The following DCHS2 variants were observed in gnomAD, a reference collection of about 807,000 sequenced individuals.
The protein encoded by DCHS2 is protocadherin-23.
In DCHS2, 142 loss-of-function variants were observed where a neutral mutation model predicts 182.4. The ratio of observed to expected loss-of-function variants is 0.78; its 90% CI spans 0.68 to 0.89. The LOEUF is 0.89. Ranked by LOEUF, DCHS2 falls within the 40% of genes least tolerant of loss-of-function variation. The pLI is 0.00. For missense variants in DCHS2, 4,319 were observed against 4,198.6 expected (o/e 1.03, Z -0.79); for synonymous variants, 1,740 against 1,663.3 (o/e 1.05, Z -1.12).
intron 3 of DCHS2, among the ~76,000 whole-genome samples, chr4:154,362,208 G>T (rs991101227): frequency 5.9e-5 from 9 of 152,172 alleles, no homozygotes; most frequent in Admixed American, 1.3e-4. Flanking sequence ...CAGAGACAAA[G>T]GGAGGTAACA....
intron 1 of DCHS2, among the ~76,000 whole-genome samples, chr4:154,447,063 G>A (rs1001849827): frequency 2.0e-5 from 3 of 152,028 alleles, no homozygotes; most frequent in East Asian, 1.9e-4. Context: ...AGGCCGAGGC[G>A]GGCAGATTAC....
In DCHS2 at chr4:154,328,099, A is replaced by G. The variant is rs1168511820; in HGVS notation, c.4012T>C (p.Ser1338Pro). The change falls in exon 7 of 20, where the codon TCT becomes CCT. Residue 1338 changes from serine (S) to proline (P), a missense_variant. By Grantham distance (74) the Ser-to-Pro change is moderately conservative. Coordinates refer to ENST00000357232, the MANE Select transcript of DCHS2 (RefSeq NM_001358235.2). Reference sequence around the variant, plus strand: ...TATGAACAGTAAGTTTTACCTGAAGATACTGAGTATGTAACTTCTGCATTA... The same window carrying G: ...TATGAACAGTAAGTTTTACCTGAAGGTACTGAGTATGTAACTTCTGCATTA... The part of the protein sequence containing the change: ...GNNAEVTYSV[S>P]SEDSSDHFKI... 1.9e-6 allele frequency: 3 copies of G among 1,598,414 alleles called. No homozygotes were observed. The highest frequency in any genetic ancestry group is 2.6e-6 in the Non-Finnish European group (3 of 1,172,222).
Position 154,297,924 on chromosome 4 carries a change from C to T in DCHS2, c.6390G>A (p.Met2130Ile). 1 of 1,614,098 alleles carries T rather than the reference C, an allele frequency of 6.2e-7. No individual in the cohort carries two copies. Among genetic ancestry groups the T allele is most frequent in the South Asian group, 1.1e-5 (1 of 91,078 alleles). Residue 2130 changes from methionine (M) to isoleucine (I), a missense_variant, in exon 13 of 20, where the codon ATG becomes ATA. Coordinates refer to ENST00000357232, the MANE Select transcript of DCHS2 (RefSeq NM_001358235.2). ...AGGAAATCTTTACATCTTCTCCTTC[C>T]ATGTGAATGACCAAGAGACCCGTGG... is the stretch of plus-strand genomic sequence containing the variant. ...RTTTGLLVIH[M>I]EGEDVKISFS...
At chr4:154,409,352 G>A (rs1451927093) in intron 1 of DCHS2, among the ~76,000 whole-genome samples, 1 of 152,296 alleles carries the variant, frequency 6.6e-6, no homozygotes, top group East Asian at 1.9e-4. Context: ...TCACCATTAT[G>A]CAGTGTCTTA....
At chr4:154,484,582 T>A (rs1026235890) in intron 1 of DCHS2, among the ~76,000 whole-genome samples, 1 of 152,230 alleles carries the variant, frequency 6.6e-6, no homozygotes, top group Non-Finnish European at 1.5e-5. Context: ...ATTTACCTGA[T>A]CTACTTTCAC....
chr4:154,258,325 T>A (rs930074729), intron 15 of DCHS2, among the ~76,000 whole-genome samples: 8 of 150,092 alleles, frequency 5.3e-5, no homozygotes, highest in Non-Finnish European at 1.2e-4. Flanking sequence ...ACCAACAGCA[T>A]GGATATGTGC....
At chr4:154,261,735 A>G (rs1560993197) in intron 14 of DCHS2, 1 of 152,224 alleles carries the variant, frequency 6.6e-6, no homozygotes. Flanking sequence ...TTAAAATTTC[A>G]TAAACTCAGT....
intron 1 of DCHS2, among the ~76,000 whole-genome samples, chr4:154,444,375 C>A (rs1734172634): frequency 6.6e-6 from 1 of 152,158 alleles, no homozygotes; most frequent in African/African-American, 2.4e-5. Flanking sequence ...AAACCTCTTC[C>A]CCCAGGTGCC....
At chr4:154,268,598 T>C (rs1177192088) in intron 14 of DCHS2, among the ~76,000 whole-genome samples, 1 of 152,190 alleles carries the variant, frequency 6.6e-6, no homozygotes, top group East Asian at 1.9e-4. Context: ...TAACTAAGCC[T>C]GGAGAAAAAG....
chr4:154,454,957 T>A (rs116154519), intron 1 of DCHS2, among the ~76,000 whole-genome samples: 36 of 152,340 alleles, frequency 2.4e-4, no homozygotes, highest in African/African-American at 8.7e-4. Context: ...CTATTCCTTG[T>A]CAAAATGTGT....
chr4:154,334,769 G>T, intron 4 of DCHS2, 99 bp downstream of exon 4: 1 of 962,064 alleles, frequency 1.0e-6, no homozygotes. Context: ...TGACTTGCGT[G>T]GAAAGAAGAA....
chr4:154,342,011 A>G lies in DCHS2; in HGVS notation c.2477-6907T>C, dbSNP rs1729134353. Reference sequence around the variant, plus strand: ...GTAAATTCACTTGTCTTTGAACTTGAAGGGCTCTAGAGGTACTGTGGGCTT... The same window carrying G: ...GTAAATTCACTTGTCTTTGAACTTGGAGGGCTCTAGAGGTACTGTGGGCTT... On this transcript the variant is annotated intron_variant, in intron 3 of 19. Transcript: ENST00000357232. Among the ~76,000 whole-genome samples the G allele has an allele frequency of 2.0e-5, 3 of 152,160 alleles. No individual in the cohort carries two copies. The South Asian group carries it at 6.2e-4, about 32-fold the overall frequency.
chr4:154,450,469 G>C (rs1486790289), intron 1 of DCHS2, among the ~76,000 whole-genome samples: 2 of 152,134 alleles, frequency 1.3e-5, no homozygotes, highest in Non-Finnish European at 2.9e-5. Context: ...AATGTTCCTG[G>C]TTCAAGCAAC....
At chr4:154,413,019 G>A (rs1253446980) in intron 1 of DCHS2, among the ~76,000 whole-genome samples, 1 of 152,166 alleles carries the variant, frequency 6.6e-6, no homozygotes, top group African/African-American at 2.4e-5. Context: ...AAGCTACCCA[G>A]CATTGACAGA....
intron 1 of DCHS2, among the ~76,000 whole-genome samples, chr4:154,460,894 C>T (rs1452247055): frequency 6.6e-6 from 1 of 152,124 alleles, no homozygotes; most frequent in Non-Finnish European, 1.5e-5. Context: ...ATCTACAGAA[C>T]ATGTAAAAAC....
intron 14 of DCHS2, chr4:154,262,311 C>T (rs572814858): frequency 2.0e-4 from 30 of 152,188 alleles, no homozygotes; most frequent in African/African-American, 7.0e-4. Context: ...AAGACAATAA[C>T]CAGTCTGTGG....
chr4:154,491,439 GTC>G lies in DCHS2; in HGVS notation c.-86_-85del. ...AGAAAAATCCAGGAGCCTCTTCAGT[GTC>G]TGAGCCAGAGAAGAAAAGACTTTGT... On this transcript the variant is annotated 5_prime_UTR_variant, in exon 1 of 20. Coordinates refer to ENST00000357232, the MANE Select transcript of DCHS2 (RefSeq NM_001358235.2). 7.0e-7 allele frequency: 1 copy of G among 1,429,354 alleles called. No homozygotes were observed. Among genetic ancestry groups the G allele is most frequent in the Non-Finnish European group, 9.1e-7 (1 of 1,094,068 alleles). The allele number at this position is 1,429,354 out of a possible 1,614,324, so 88.5% of individuals were successfully genotyped here.
chr4:154,398,442 T>A (rs1035413375), intron 1 of DCHS2, among the ~76,000 whole-genome samples: 1 of 152,170 alleles, frequency 6.6e-6, no homozygotes, highest in African/African-American at 2.4e-5. Flanking sequence ...TCATTTTCCT[T>A]CCAACTTCCC....
chr4:154,402,088 G>A (rs1181806106), intron 1 of DCHS2, among the ~76,000 whole-genome samples: 1 of 152,306 alleles, frequency 6.6e-6, no homozygotes, highest in East Asian at 1.9e-4. Context: ...TACAGTGTGA[G>A]ATTGTAAAGT....
Sources: gnomAD v4.1 joint callset for allele counts (sites outside exome capture counted in the v4.1 genomes callset) on GRCh38, gnomAD v4.1.1 for gene constraint, MANE v1.5 for transcripts, NCBI Gene and HGNC (gene_info 2026-07-23, HGNC 2026-07-21) for gene names.